PCSK5: variants seen among roughly 807,000 people sequenced by gnomAD.
PCSK5 encodes prohormone convertase 5.
In PCSK5, 129 loss-of-function variants were observed where a neutral mutation model predicts 233.2. That is an observed-to-expected ratio of 0.55 (90% CI 0.48 to 0.64). The LOEUF (loss-of-function observed/expected upper bound fraction) is 0.64, where lower values mean the gene tolerates loss of function less well. Ranked by LOEUF, PCSK5 falls within the 30% of genes least tolerant of loss-of-function variation. The pLI is 0.00. For missense variants in PCSK5, 2,076 were observed against 2,430.1 expected, an observed-to-expected ratio of 0.85 and a Z score of 3.06; for synonymous variants, 825 against 879.2, an observed-to-expected ratio of 0.94 and a Z score of 1.09.
At chr9:76,264,291 A>G (rs1365588557) in intron 24 of PCSK5, among the ~76,000 whole-genome samples, 4 of 152,134 alleles carry the variant, frequency 2.6e-5, no homozygotes, top group Non-Finnish European at 4.4e-5. Context: ...GTATTTCACC[A>G]TATACAAAAA....
At chr9:75,944,637 C>T (rs1477126810) in intron 2 of PCSK5, among the ~76,000 whole-genome samples, 1 of 152,086 alleles carries the variant, frequency 6.6e-6, no homozygotes, top group African/African-American at 2.4e-5. Flanking sequence ...TTTTCTCCCA[C>T]ATGTGTAAAG....
chr9:76,033,884 C>A (rs1364941778), intron 5 of PCSK5, among the ~76,000 whole-genome samples: 1 of 152,102 alleles, frequency 6.6e-6, no homozygotes, highest in Admixed American at 6.6e-5. Flanking sequence ...GCCCAAAGCC[C>A]CACCTCTTAA....
chr9:76,278,787 T>C (rs888792697), intron 24 of PCSK5, among the ~76,000 whole-genome samples: 3 of 152,208 alleles, frequency 2.0e-5, no homozygotes, highest in African/African-American at 7.2e-5. Flanking sequence ...TAGCCTATCA[T>C]GAAATGTTTC....
intron 7 of PCSK5, among the ~76,000 whole-genome samples, chr9:76,094,567 A>G (rs1291232233): frequency 6.6e-6 from 1 of 151,976 alleles, no homozygotes; most frequent in Non-Finnish European, 1.5e-5. Flanking sequence ...TCTATATTCT[A>G]CTTTGCTTCT....
intron 10 of PCSK5, among the ~76,000 whole-genome samples, chr9:76,136,863 G>T (rs952084607): frequency 6.6e-6 from 1 of 152,068 alleles, no homozygotes; most frequent in Non-Finnish European, 1.5e-5. Context: ...AAACAACTCA[G>T]TTTTGGAGTT....
At chr9:75,981,455 A>C (rs190947018) in intron 2 of PCSK5, among the ~76,000 whole-genome samples, 1 of 152,358 alleles carries the variant, frequency 6.6e-6, no homozygotes, top group Middle Eastern at 3.4e-3. Flanking sequence ...CTTAATATTT[A>C]AGTTGTGTTG....
At chr9:76,143,683 G>GAA (rs1399939892) in intron 10 of PCSK5, among the ~76,000 whole-genome samples, 1 of 150,776 alleles carries the variant, frequency 6.6e-6, no homozygotes, top group Non-Finnish European at 1.5e-5. Flanking sequence ...TCTAAATGAG[G>GAA]AAAGTTGTAG....
chr9:75,983,658 C>A (rs954526242), intron 2 of PCSK5, among the ~76,000 whole-genome samples: 30 of 152,184 alleles, frequency 2.0e-4, no homozygotes, highest in Admixed American at 5.9e-4. Flanking sequence ...ATAGAACTTT[C>A]AAAAGTTAAG....
intron 9 of PCSK5, among the ~76,000 whole-genome samples, chr9:76,129,905 G>GT (rs901833570): frequency 2.6e-5 from 4 of 152,202 alleles, no homozygotes; most frequent in South Asian, 2.1e-4. Flanking sequence ...TAATTATGCT[G>GT]TTTTTGCAGC....
intron 20 of PCSK5, among the ~76,000 whole-genome samples, chr9:76,203,722 A>G (rs1825002588): frequency 6.6e-6 from 1 of 152,148 alleles, no homozygotes. Context: ...TTAAGCTACA[A>G]AGTTTATAGT....
chr9:76,312,661 C>T (rs1360110444), intron 30 of PCSK5, among the ~76,000 whole-genome samples: 1 of 152,078 alleles, frequency 6.6e-6, no homozygotes, highest in Non-Finnish European at 1.5e-5. Flanking sequence ...CAAAAAGCAT[C>T]CAATCTAGTG....
chr9:76,144,133 T>C (rs1564059077), intron 10 of PCSK5, among the ~76,000 whole-genome samples: 1 of 152,168 alleles, frequency 6.6e-6, no homozygotes, highest in Non-Finnish European at 1.5e-5. Flanking sequence ...ATTGTATTCA[T>C]ATTCTTTTTC....
At chr9:76,120,978 G>A (rs899092438) in intron 9 of PCSK5, among the ~76,000 whole-genome samples, 5 of 152,020 alleles carry the variant, frequency 3.3e-5, no homozygotes, top group African/African-American at 1.2e-4. Context: ...TAGGTATATG[G>A]AAAGTACTAA....
At chr9:76,066,187 A>G (rs1440955117) in intron 5 of PCSK5, among the ~76,000 whole-genome samples, 1 of 152,102 alleles carries the variant, frequency 6.6e-6, no homozygotes, top group Admixed American at 6.6e-5. Context: ...TGGTATTTTG[A>G]TAGGGATTGC....
Position 76,295,284 on chromosome 9 carries a change from C to G in PCSK5, c.3195C>G (p.His1065Gln). 6.2e-7 allele frequency: 1 copy of G among 1,610,304 alleles called. No homozygotes were observed. Among genetic ancestry groups the G allele is most frequent in the Non-Finnish European group, 8.5e-7 (1 of 1,178,632 alleles). Residue 1065 changes from histidine to glutamine, a missense_variant, in exon 26 of 38, where the codon CAC becomes CAG. Coordinates refer to ENST00000674117, the MANE Select transcript of PCSK5 (RefSeq NM_001372043.1). The part of the protein sequence containing the change: ...SCAMGYYRFD[H>Q]HCYKTCPEKT... ...TGTCTTCTTCCTCTAGGTTTGATCA[C>G]CATTGTTATAAAACCTGTCCTGAGA...
chr9:76,091,599 G>A (rs1831290807), intron 7 of PCSK5, among the ~76,000 whole-genome samples: 2 of 152,060 alleles, frequency 1.3e-5, no homozygotes, highest in African/African-American at 4.8e-5. Flanking sequence ...CTCTGTGCAT[G>A]CAGACACTGA....
chr9:75,983,591 C>T (rs756046219), intron 2 of PCSK5, among the ~76,000 whole-genome samples: 21 of 152,154 alleles, frequency 1.4e-4, no homozygotes, highest in Non-Finnish European at 3.1e-4. Flanking sequence ...CTGATGATTT[C>T]AAAGGTCCTG....
At chr9:75,931,857 T>C (rs1823818972) in intron 1 of PCSK5, among the ~76,000 whole-genome samples, 1 of 152,100 alleles carries the variant, frequency 6.6e-6, no homozygotes, top group South Asian at 2.1e-4. Flanking sequence ...ATAATCTATA[T>C]ATTTATACTG....
chr9:75,925,898 A>G (rs1223654763), intron 1 of PCSK5, among the ~76,000 whole-genome samples: 1 of 152,236 alleles, frequency 6.6e-6, no homozygotes, highest in African/African-American at 2.4e-5. Context: ...AGAAAACAGT[A>G]TCTCATCACT....
Sources: gnomAD v4.1 joint callset for allele counts (sites outside exome capture counted in the v4.1 genomes callset) on GRCh38, gnomAD v4.1.1 for gene constraint, MANE v1.5 for transcripts, NCBI Gene and HGNC (gene_info 2026-07-23, HGNC 2026-07-21) for gene names.